The following CHCHD3 variants were observed in gnomAD, a reference collection of about 807,000 sequenced individuals.
CHCHD3 encodes MICOS complex subunit MIC19.
Under a neutral mutation model 38.2 loss-of-function variants are expected in CHCHD3, and 20 were observed. The ratio of observed to expected loss-of-function variants is 0.52; its 90% confidence interval spans 0.37 to 0.76. The LOEUF is 0.76. Ranked by LOEUF, CHCHD3 falls within the 30% of genes least tolerant of loss-of-function variation. The pLI is 0.00. For missense variants in CHCHD3, 245 were observed against 279.2 expected (o/e 0.88, Z 0.87); for synonymous variants, 82 against 100.0 (o/e 0.82, Z 1.07).
chr7:133,034,190 T>C (rs982927554), intron 2 of CHCHD3, among the ~76,000 whole-genome samples: 4 of 152,138 alleles, frequency 2.6e-5, no homozygotes, highest in Non-Finnish European at 5.9e-5. Flanking sequence ...GAATGAATAC[T>C]GAACAAACAG....
chr7:132,968,829 T>G (rs80014365), intron 4 of CHCHD3, among the ~76,000 whole-genome samples: 2,310 of 152,328 alleles, frequency 0.015, 57 homozygotes, highest in South Asian at 0.1. Context: ...CCCAGTTGTT[T>G]CCCTTCCTCG....
rs532395069 is a variant in CHCHD3 at position 132,897,178 on chromosome 7, C to A, written c.370-11433G>T. 2.1e-4 allele frequency among the ~76,000 whole-genome samples: 32 copies of A among 152,304 alleles called. No individual in the cohort carries two copies. In the South Asian group the frequency reaches 6.4e-3, roughly 31 times the overall value. ...GGAATAAAACTTCCATTTCCAGGCA[C>A]TTACATATAATCTTGTTTTACCATG... On this transcript the variant is annotated intron_variant, in intron 4 of 7. Transcript: ENST00000262570.
At chr7:133,057,466 T>G (rs775032461) in intron 2 of CHCHD3, among the ~76,000 whole-genome samples, 1 of 151,960 alleles carries the variant, frequency 6.6e-6, no homozygotes, top group African/African-American at 2.4e-5. Flanking sequence ...GAGGCTGAGA[T>G]AGGAGAATCT....
intron 4 of CHCHD3, among the ~76,000 whole-genome samples, chr7:132,966,577 G>A (rs1811469541): frequency 6.6e-6 from 1 of 152,142 alleles, no homozygotes; most frequent in African/African-American, 2.4e-5. Flanking sequence ...TTTATCACAT[G>A]GTAAATAATA....
At chr7:132,914,084 C>A (rs1810037238) in intron 4 of CHCHD3, among the ~76,000 whole-genome samples, 1 of 151,052 alleles carries the variant, frequency 6.6e-6, no homozygotes, top group Admixed American at 6.6e-5. Flanking sequence ...CTCAGCCTCC[C>A]GAGTAGCTGG....
At chr7:132,785,761 A>C in intron 7 of CHCHD3, 101 bp from the exon 8 acceptor site, 1 of 1,257,044 alleles carries the variant, frequency 8.0e-7, no homozygotes, top group Non-Finnish European at 1.1e-6. Flanking sequence ...TCAAATATCT[A>C]ATTTTAAAAA....
At chr7:132,838,324 T>C in intron 6 of CHCHD3, 75 bp downstream of exon 6, 1 of 1,005,306 alleles carries the variant, frequency 9.9e-7, no homozygotes, top group Non-Finnish European at 1.5e-6. Context: ...AACTATGATC[T>C]GTGCAAAAAG....
chr7:132,947,893 A>G (rs1413143772), intron 4 of CHCHD3, among the ~76,000 whole-genome samples: 1 of 152,076 alleles, frequency 6.6e-6, no homozygotes, highest in Non-Finnish European at 1.5e-5. Context: ...ACTGTATTTC[A>G]ATATGACATA....
chr7:132,799,374 T>C (rs112124584), intron 6 of CHCHD3, among the ~76,000 whole-genome samples: 354 of 152,306 alleles, frequency 2.3e-3, no homozygotes, highest in Non-Finnish European at 3.2e-3. Context: ...CCAATATGCA[T>C]TATGGTAAAC....
intron 4 of CHCHD3, among the ~76,000 whole-genome samples, chr7:132,901,265 G>A (rs984908295): frequency 2.0e-5 from 3 of 152,150 alleles, no homozygotes; most frequent in Non-Finnish European, 1.5e-5. Flanking sequence ...GATAACCTGA[G>A]GCCTAAACAT....
chr7:132,814,216 T>C (rs1807143189), intron 6 of CHCHD3, among the ~76,000 whole-genome samples: 1 of 152,212 alleles, frequency 6.6e-6, no homozygotes, highest in Non-Finnish European at 1.5e-5. Context: ...TTTGTGAGTT[T>C]TCTGTATCTT....
chr7:132,942,646 A>G (rs532681632), intron 4 of CHCHD3, among the ~76,000 whole-genome samples: 33 of 152,184 alleles, frequency 2.2e-4, no homozygotes, highest in Non-Finnish European at 4.3e-4. Flanking sequence ...AAATACATTG[A>G]AGAGCTAAAA....
In CHCHD3 at chr7:132,854,924, G is replaced by A. The variant is rs185258515; in HGVS notation, c.454-16455C>T. Among the ~76,000 whole-genome samples, 635 of 152,290 alleles carry A rather than the reference G, an allele frequency of 4.2e-3. 4 individuals are homozygous for A. The highest frequency in any genetic ancestry group is 0.02 in the Middle Eastern group (6 of 294). The stretch of plus-strand genomic sequence containing the variant: ...AAGAGTTGAAAGCATAGGAGAGCTG[G>A]TTGAGTCTTGGACTGTCCAAAAGCA... On this transcript the variant is annotated intron_variant, in intron 5 of 7. Coordinates refer to ENST00000262570, the MANE Select transcript of CHCHD3 (RefSeq NM_017812.4).
At chr7:132,954,254 T>A (rs1271965627) in intron 4 of CHCHD3, among the ~76,000 whole-genome samples, 2 of 152,078 alleles carry the variant, frequency 1.3e-5, no homozygotes, top group African/African-American at 4.8e-5. Context: ...TGTGTCCCTA[T>A]CTCCTGACAC....
At chr7:133,000,278 C>T (rs762264498) in intron 3 of CHCHD3, among the ~76,000 whole-genome samples, 17 of 152,136 alleles carry the variant, frequency 1.1e-4, no homozygotes, top group Non-Finnish European at 2.5e-4. Context: ...CAGTCCTAAT[C>T]CTATCAGGTA....
intron 4 of CHCHD3, among the ~76,000 whole-genome samples, chr7:132,937,869 G>C (rs1225997002): frequency 1.3e-5 from 2 of 152,274 alleles, no homozygotes; most frequent in South Asian, 2.1e-4. Context: ...TTCAGCCTGT[G>C]CTACATAAAG....
chr7:132,912,267 G>T (rs971205544), intron 4 of CHCHD3, among the ~76,000 whole-genome samples: 3 of 152,166 alleles, frequency 2.0e-5, no homozygotes, highest in African/African-American at 7.2e-5. Context: ...TGTCTAAGTG[G>T]AAGATAATAG....
rs114634157 is a variant in CHCHD3, at chr7:132,850,081, T to C, written c.454-11612A>G. 4.5e-3 allele frequency among the ~76,000 whole-genome samples: 689 copies of C among 152,308 alleles called. 7 individuals carry two copies. Among genetic ancestry groups the C allele is most frequent in the African/African-American group, 0.015 (640 of 41,576 alleles). On this transcript the variant is annotated intron_variant, in intron 5 of 7. Transcript: ENST00000262570. ...CATGAATAACTTCAATAAAGTCAAA[T>C]GCAATGACACACTGGAAGCAACTTT... is the stretch of plus-strand genomic sequence containing the variant.
chr7:132,875,633 G>A (rs958479240), intron 5 of CHCHD3, among the ~76,000 whole-genome samples: 1 of 152,184 alleles, frequency 6.6e-6, no homozygotes, highest in African/African-American at 2.4e-5. Flanking sequence ...TGAAAGCTCC[G>A]TGCCAGATAC....
Sources: allele counts gnomAD v4.1 joint callset (sites outside exome capture counted in the v4.1 genomes callset), GRCh38; gene constraint gnomAD v4.1.1; transcripts MANE v1.5; gene names NCBI Gene and HGNC (gene_info 2026-07-23, HGNC 2026-07-21).